The following ABLIM3 variants were observed in gnomAD, a reference collection of about 807,000 sequenced individuals.
ABLIM3 encodes actin binding LIM protein family member 3.
ABLIM3 carries 61 observed loss-of-function variants against 109.5 expected under a neutral mutation model. The ratio of observed to expected loss-of-function variants is 0.56; its 90% CI spans 0.45 to 0.69. The LOEUF is 0.69. ABLIM3 is among the 30% of genes least tolerant of loss of function. The probability of loss-of-function intolerance (pLI) is 0.00; values close to 1 mark genes in which losing one functional copy is unlikely to be tolerated. For synonymous variants in ABLIM3, 300 were observed against 324.8 expected (o/e 0.92, Z 0.82); for missense variants, 796 against 889.5 (o/e 0.89, Z 1.34).
intron 3 of ABLIM3, among the ~76,000 whole-genome samples, chr5:149,184,255 T>C (rs1300367788): frequency 6.6e-6 from 1 of 152,160 alleles, no homozygotes; most frequent in African/African-American, 2.4e-5. Context: ...CAACACACCC[T>C]TCCACAATGT....
At position 149,184,779 on chromosome 5, in the gene ABLIM3, A is replaced by T. The variant is rs536852593; in HGVS notation, c.151+1190A>T. Among the ~76,000 whole-genome samples, 31 of 152,302 alleles carry T rather than the reference A, an allele frequency of 2.0e-4. No homozygotes were observed. In the South Asian group the frequency reaches 4.4e-3, roughly 21 times the overall value. On this transcript the variant is annotated intron_variant, in intron 3 of 23. Transcript: ENST00000309868. ...TTATTTCAGTAACTGCCTCAGTCTCATGCACCTGAGAGTGACTTCCCCTGC... is the reference window on the plus strand; with the variant it reads ...TTATTTCAGTAACTGCCTCAGTCTCTTGCACCTGAGAGTGACTTCCCCTGC...
chr5:149,210,900 C>A, intron 7 of ABLIM3, 81 bp downstream of exon 7: 1 of 1,298,974 alleles, frequency 7.7e-7, no homozygotes, highest in South Asian at 1.2e-5. Flanking sequence ...AGGAGAAAGT[C>A]ATCCCATACC....
In ABLIM3 at chr5:149,197,065, A is replaced by G. The variant is rs533049819; in HGVS notation, c.152-1154A>G. On this transcript the variant is annotated intron_variant, in intron 3 of 23. Coordinates refer to ENST00000309868, the MANE Select transcript of ABLIM3 (RefSeq NM_014945.5). ...TGCAGCTGAGTGATGGAGAATTATT[A>G]CAATCTTCTCCCATTTTTGTATATG... 5.3e-5 allele frequency among the ~76,000 whole-genome samples: 8 copies of G among 152,218 alleles called. No homozygotes were observed. In the South Asian group the frequency reaches 1.2e-3, roughly 24 times the overall value.
chr5:149,240,059 G>C (rs1413744555), intron 13 of ABLIM3, among the ~76,000 whole-genome samples, 171 bp downstream of exon 13: 2 of 152,372 alleles, frequency 1.3e-5, no homozygotes, highest in Non-Finnish European at 2.9e-5. Context: ...GAGTCCCTGA[G>C]ATGGCAGGGG....
chr5:149,186,953 T>G (rs1757019880), intron 3 of ABLIM3, among the ~76,000 whole-genome samples: 1 of 151,924 alleles, frequency 6.6e-6, no homozygotes, highest in Non-Finnish European at 1.5e-5. Context: ...ATTAATTCAA[T>G]GTATCAATTA....
At chr5:149,171,530 A>G (rs1372326502) in intron 2 of ABLIM3, among the ~76,000 whole-genome samples, 1 of 152,204 alleles carries the variant, frequency 6.6e-6, no homozygotes, top group Non-Finnish European at 1.5e-5. Flanking sequence ...CCTGCATTTG[A>G]ATCCAGATCT....
At chr5:149,210,565 A>G (rs1169739249) in intron 6 of ABLIM3, among the ~76,000 whole-genome samples, 161 bp from the exon 7 acceptor site, 1 of 152,236 alleles carries the variant, frequency 6.6e-6, no homozygotes, top group African/African-American at 2.4e-5. Context: ...ATCTGGGAGC[A>G]CAGTCAGATG....
chr5:149,234,220 T>A (rs1227391493), intron 10 of ABLIM3, among the ~76,000 whole-genome samples: 1 of 152,100 alleles, frequency 6.6e-6, no homozygotes, highest in Non-Finnish European at 1.5e-5. Context: ...AACATTAAAC[T>A]CAAAGCAGAG....
chr5:149,223,340 G>C (rs1581169065), intron 8 of ABLIM3, among the ~76,000 whole-genome samples: 1 of 152,186 alleles, frequency 6.6e-6, no homozygotes, highest in East Asian at 1.9e-4. Context: ...ATTAGGTCTA[G>C]AGTAGCAATT....
intron 2 of ABLIM3, among the ~76,000 whole-genome samples, chr5:149,147,161 T>C (rs1414162355): frequency 6.6e-6 from 1 of 151,930 alleles, no homozygotes; most frequent in Non-Finnish European, 1.5e-5. Flanking sequence ...AATGGGATTA[T>C]GTTCTTGATT....
intron 9 of ABLIM3, among the ~76,000 whole-genome samples, chr5:149,232,754 A>T (rs1761981235): frequency 6.6e-6 from 1 of 151,210 alleles, no homozygotes; most frequent in Admixed American, 6.6e-5. Flanking sequence ...CATTGTTCAG[A>T]GACAGTTTTT....
chr5:149,239,378 A>G lies in ABLIM3; in HGVS notation c.1074+101A>G, dbSNP rs539337276. 1,558 of 1,311,506 alleles carry G rather than the reference A, an allele frequency of 1.2e-3. 1 individual carries two copies. Among genetic ancestry groups the G allele is most frequent in the Non-Finnish European group, 1.6e-3 (1,432 of 908,682 alleles). 81.2% of individuals were successfully genotyped at this position (1,311,506 alleles called of 1,614,324 possible). On this transcript the variant is annotated intron_variant, in intron 12 of 23. Transcript: ENST00000309868. ...CCGAAGGTGTCTGAGCCCTTGCCCAAGGTATTCCCTGCAAGCAGGGAAGTG... is the reference window on the plus strand; with the variant it reads ...CCGAAGGTGTCTGAGCCCTTGCCCAGGGTATTCCCTGCAAGCAGGGAAGTG...
At chr5:149,210,645 G>T (rs1759449663) in intron 6 of ABLIM3, 81 bp from the exon 7 acceptor site, 2 of 1,180,924 alleles carry the variant, frequency 1.7e-6, no homozygotes, top group Non-Finnish European at 2.5e-6. Context: ...AACATAGGCT[G>T]CAGGTCCAGA....
At chr5:149,147,037 G>C (rs1752993891) in intron 2 of ABLIM3, among the ~76,000 whole-genome samples, 1 of 151,184 alleles carries the variant, frequency 6.6e-6, no homozygotes, top group South Asian at 2.1e-4. Flanking sequence ...CACCTCCTTG[G>C]TTACATATAT....
chr5:149,230,831 T>C (rs1417411030), intron 9 of ABLIM3, 124 bp downstream of exon 9: 3 of 1,118,046 alleles, frequency 2.7e-6, no homozygotes, highest in Non-Finnish European at 2.7e-6. Context: ...AATGTGTGCC[T>C]ATGTCCTTGG....
At chr5:149,246,345 C>G in intron 16 of ABLIM3, 137 bp from the exon 17 acceptor site, 2 of 818,434 alleles carry the variant, frequency 2.4e-6, no homozygotes, top group Non-Finnish European at 3.8e-6. Context: ...TGGGGCTTAG[C>G]TTAAACGAGA....
chr5:149,225,803 A>G (rs1054052303), intron 8 of ABLIM3, among the ~76,000 whole-genome samples: 3 of 151,652 alleles, frequency 2.0e-5, no homozygotes, highest in African/African-American at 7.3e-5. Context: ...AGAACATACA[A>G]TGTTTGGTTT....
chr5:149,184,089 A>G (rs1756730584), intron 3 of ABLIM3, among the ~76,000 whole-genome samples: 1 of 152,072 alleles, frequency 6.6e-6, no homozygotes, highest in Non-Finnish European at 1.5e-5. Context: ...TTGGGAGCAC[A>G]TAGCTGTTAG....
intron 3 of ABLIM3, among the ~76,000 whole-genome samples, chr5:149,191,953 G>A (rs1464583409): frequency 6.6e-6 from 1 of 152,128 alleles, no homozygotes. Flanking sequence ...CACCTCCCAG[G>A]TTCATGACAT....
Sources: allele counts gnomAD v4.1 joint callset (sites outside exome capture counted in the v4.1 genomes callset), GRCh38; gene constraint gnomAD v4.1.1; transcripts MANE v1.5; gene names NCBI Gene and HGNC (gene_info 2026-07-23, HGNC 2026-07-21).